DYNC2LI1: variants seen among roughly 807,000 people sequenced by gnomAD.
DYNC2LI1 encodes the protein cytoplasmic dynein 2 light intermediate chain 1.
A neutral mutation model predicts 51.9 loss-of-function variants in DYNC2LI1; 45 were observed. The observed-to-expected ratio is 0.87, with a 90% confidence interval of 0.68 to 1.11. The LOEUF is 1.11. DYNC2LI1 is among the 50% of genes most tolerant of loss of function. The pLI, the probability that DYNC2LI1 is intolerant of heterozygous loss-of-function variation, is 0.00. For missense variants in DYNC2LI1, 490 were observed against 417.4 expected (o/e 1.17, Z -1.51); for synonymous variants, 130 against 137.8 (o/e 0.94, Z 0.40).
chr2:43,820,656 C>G, the DYNC2LI1 span, among the ~76,000 whole-genome samples: 1 of 151,968 alleles, frequency 6.6e-6, no homozygotes, highest in Admixed American at 6.6e-5. Flanking sequence ...CTGATTTGAC[C>G]TTCGTTTTCT....
At chr2:43,818,605 G>T in the DYNC2LI1 span, among the ~76,000 whole-genome samples, 1 of 152,178 alleles carries the variant, frequency 6.6e-6, no homozygotes, top group Non-Finnish European at 1.5e-5. Flanking sequence ...GGTTGGCTCT[G>T]TACATTGCTG....
chr2:43,809,815 T>C lies in DYNC2LI1; in HGVS notation c.*48T>C. ...TTATTTCTTCTTTTCCAAATACAAA[T>C]AAGATTATACTGTGAATTAACTATT... On this transcript the variant is annotated 3_prime_UTR_variant, in exon 13 of 13. Coordinates refer to ENST00000260605, the MANE Select transcript of DYNC2LI1 (RefSeq NM_016008.4). 1.3e-6 allele frequency: 2 copies of C among 1,563,142 alleles called. No individual in the cohort carries two copies. The highest frequency in any genetic ancestry group is 1.7e-6 in the Non-Finnish European group (2 of 1,154,124).
At chr2:43,789,226 G>A (rs747394557) in intron 4 of DYNC2LI1, among the ~76,000 whole-genome samples, 103 of 152,036 alleles carry the variant, frequency 6.8e-4, no homozygotes, top group Non-Finnish European at 6.6e-4. Context: ...TTCCTAAATA[G>A]GAATGTTTTC....
At chr2:43,797,554 C>T (rs1201575007) in intron 8 of DYNC2LI1, among the ~76,000 whole-genome samples, 2 of 141,210 alleles carry the variant, frequency 1.4e-5, no homozygotes, top group Admixed American at 7.2e-5. Flanking sequence ...CAGTCTCACT[C>T]CGTCACCCAG....
At position 43,805,023 on chromosome 2, in the gene DYNC2LI1, G is replaced by C. The variant is rs1666199133; in HGVS notation, c.901-131G>C. 9 of 608,864 alleles carry C rather than the reference G, an allele frequency of 1.5e-5. No homozygotes were observed. In the East Asian group the frequency reaches 2.6e-4, roughly 18 times the overall value. 37.7% of individuals were successfully genotyped at this position (608,864 alleles called of 1,614,324 possible). A position where few individuals can be genotyped will look rare whatever the true frequency, so the allele number is the denominator to read the frequency against. On this transcript the variant is annotated intron_variant, in intron 11 of 12. Coordinates refer to ENST00000260605, the MANE Select transcript of DYNC2LI1 (RefSeq NM_016008.4). ...ATTGGAAGTGGGCCTCAGTGGTGAT[G>C]AGAAAAGCTAGAAAGATCATAGAGA...
In DYNC2LI1 at chr2:43,794,530, C is replaced by G; in HGVS notation, c.394C>G (p.Gln132Glu). Residue 132 changes from glutamine (Q) to glutamate (E), a missense_variant, in exon 6 of 13, where the codon CAA becomes GAA. By Grantham distance (29) the Gln-to-Glu change is conservative. Coordinates refer to ENST00000260605, the MANE Select transcript of DYNC2LI1 (RefSeq NM_016008.4). ...DLWPTMENLL[Q>E]ATKSHVDKVI... ...CTGGCCCACCATGGAAAATCTCTTG[C>G]AAGCCACAAAAAGCCATGTAGACAA... is the stretch of plus-strand genomic sequence containing the variant. 5 of 1,613,434 alleles carry G rather than the reference C, an allele frequency of 3.1e-6. No individual in the cohort carries two copies. Among genetic ancestry groups the G allele is most frequent in the Non-Finnish European group, 4.2e-6 (5 of 1,179,848 alleles).
At chr2:43,781,009 ATTAGT>A (rs929823851) in intron 2 of DYNC2LI1, among the ~76,000 whole-genome samples, 19 of 152,294 alleles carry the variant, frequency 1.2e-4, no homozygotes, top group Admixed American at 1.2e-3. Context: ...CAGTTCCCAG[ATTAGT>A]TTATGTTAAT....
chr2:43,804,896 G>GT (rs1356069252), intron 11 of DYNC2LI1, among the ~76,000 whole-genome samples, 157 bp downstream of exon 11: 35 of 143,082 alleles, frequency 2.4e-4, no homozygotes, highest in Non-Finnish European at 1.8e-4. Flanking sequence ...CACTGTGGGG[G>GT]TTAAAAAAAA....
chr2:43,781,290 AC>A (rs1475551427), intron 2 of DYNC2LI1, among the ~76,000 whole-genome samples: 1 of 151,608 alleles, frequency 6.6e-6, no homozygotes, highest in Non-Finnish European at 1.5e-5. Context: ...AATCACTTGA[AC>A]CCAGAGGCAG....
At chr2:43,813,515 G>A (rs947857986), downstream of DYNC2LI1, among the ~76,000 whole-genome samples, 2 of 151,912 alleles carry the variant, frequency 1.3e-5, no homozygotes, top group African/African-American at 2.4e-5. Flanking sequence ...TTTCTATTTT[G>A]GGTATAGATT....
chr2:43,801,180 C>A (rs928020280), intron 9 of DYNC2LI1: 6 of 154,770 alleles, frequency 3.9e-5, no homozygotes, highest in African/African-American at 1.5e-4. Flanking sequence ...TTATTTCCTG[C>A]TTCTTATATT....
At chr2:43,790,362 C>G (rs1022103693) in intron 5 of DYNC2LI1, among the ~76,000 whole-genome samples, 2 of 152,100 alleles carry the variant, frequency 1.3e-5, no homozygotes, top group African/African-American at 4.8e-5. Flanking sequence ...TTTTTTTAAT[C>G]TGAAATATTT....
intron 5 of DYNC2LI1, among the ~76,000 whole-genome samples, chr2:43,792,024 A>G (rs1450634203): frequency 2.0e-5 from 3 of 152,114 alleles, no homozygotes; most frequent in Non-Finnish European, 2.9e-5. Context: ...AAAATAATAA[A>G]TTTTATGTTA....
At chr2:43,775,423 G>C (rs778918095) in intron 1 of DYNC2LI1, among the ~76,000 whole-genome samples, 2 of 151,730 alleles carry the variant, frequency 1.3e-5, no homozygotes, top group Non-Finnish European at 2.9e-5. Flanking sequence ...TTATATATCT[G>C]TGTAAAGAAA....
chr2:43,811,392 C>G (rs796866027), downstream of DYNC2LI1, among the ~76,000 whole-genome samples: 55 of 152,150 alleles, frequency 3.6e-4, no homozygotes, highest in African/African-American at 1.3e-3. Flanking sequence ...ATGAAATGAT[C>G]TTTCCTATTT....
At chr2:43,821,797 T>A in the DYNC2LI1 span, among the ~76,000 whole-genome samples, 1 of 152,140 alleles carries the variant, frequency 6.6e-6, no homozygotes, top group Admixed American at 6.5e-5. Flanking sequence ...CTCTCCCCAG[T>A]GCTCAGCAGC....
At chr2:43,799,946 T>C (rs1666020360) in intron 8 of DYNC2LI1, among the ~76,000 whole-genome samples, 1 of 152,240 alleles carries the variant, frequency 6.6e-6, no homozygotes, top group Admixed American at 6.5e-5. Context: ...GAATACTTTC[T>C]CTGAGAGCAT....
At chr2:43,783,372 A>G in intron 2 of DYNC2LI1, 148 bp from the exon 3 acceptor site, 1 of 650,276 alleles carries the variant, frequency 1.5e-6, no homozygotes, top group Non-Finnish European at 2.6e-6. Context: ...AAACTTTAGA[A>G]CAATTCCGAA....
At chr2:43,791,482 TCCC>T (rs1039603249) in intron 5 of DYNC2LI1, among the ~76,000 whole-genome samples, 10 of 152,088 alleles carry the variant, frequency 6.6e-5, no homozygotes, top group Admixed American at 5.9e-4. Flanking sequence ...GGGCTTCCTT[TCCC>T]TGGAGCCCCA....
Sources: allele counts gnomAD v4.1 joint callset (sites outside exome capture counted in the v4.1 genomes callset), GRCh38; gene constraint gnomAD v4.1.1; transcripts MANE v1.5; gene names NCBI Gene and HGNC (gene_info 2026-07-23, HGNC 2026-07-21).